FBN1: variants seen among roughly 807,000 people sequenced by gnomAD.
FBN1 encodes fibrillin 1, also known as fibrillin-1.
FBN1 carries 29 observed loss-of-function variants against 365.1 expected under a neutral mutation model. The ratio of observed to expected loss-of-function variants is 0.08; its 90% CI spans 0.06 to 0.11. FBN1 has a LOEUF of 0.11. Ranked by LOEUF, FBN1 falls within the 10% of genes least tolerant of loss-of-function variation. FBN1 has a pLI of 1.00. For missense variants in FBN1, 2,476 were observed against 3,703.2 expected, an observed-to-expected ratio of 0.67 and a Z score of 8.60; for synonymous variants, 1,210 against 1,270.5, an observed-to-expected ratio of 0.95 and a Z score of 1.01.
At chr15:48,573,221 A>G (rs1458762254) in intron 6 of FBN1, among the ~76,000 whole-genome samples, 2 of 152,194 alleles carry the variant, frequency 1.3e-5, no homozygotes, top group East Asian at 3.8e-4. Context: ...GTGTTTTTCC[A>G]TATATTTATA....
At chr15:48,454,377 A>C (rs572270358) in intron 44 of FBN1, among the ~76,000 whole-genome samples, 37 of 152,328 alleles carry the variant, frequency 2.4e-4, no homozygotes, top group African/African-American at 8.9e-4. Context: ...AACAGAAAAG[A>C]TTTTGGATAA....
chr15:48,472,652 A>G lies in FBN1; in HGVS notation c.4235T>C (p.Leu1412Pro), dbSNP rs1394943800. The change falls in exon 35 of 66, where the codon CTG becomes CCG. Residue 1412 changes from leucine to proline, a missense_variant. Leu to Pro is a moderately conservative substitution (Grantham distance 98, BLOSUM62 -3). This residue lies in a region of FBN1 where 1,780 missense variants were observed against 2,840.8 expected (regional missense o/e 0.63). Transcript: ENST00000316623. ...CTDLDECSEN[L>P]NLCGNGQCLN... Reference sequence around the variant, plus strand: ...GCACTGGCCATTGCCACAGAGATTCAGGTTCTCAGAGCACTCATCAAGGTC... The same window carrying G: ...GCACTGGCCATTGCCACAGAGATTCGGGTTCTCAGAGCACTCATCAAGGTC... The G allele has an allele frequency of 6.2e-7, 1 of 1,614,144 alleles. No homozygotes were observed. The highest frequency in any genetic ancestry group is 1.7e-5 in the Admixed American group (1 of 60,008).
At chr15:48,595,865 C>T (rs1480154208) in intron 6 of FBN1, among the ~76,000 whole-genome samples, 3 of 152,206 alleles carry the variant, frequency 2.0e-5, no homozygotes, top group Non-Finnish European at 2.9e-5. Flanking sequence ...ACAGGTCCAA[C>T]AGATCTTTAG....
rs1378470897 is a variant in FBN1, at chr15:48,434,706, A to G, written c.6504T>C (p.Asp2168=). The change falls in exon 54 of 66, where the codon GAT becomes GAC. Residue 2168 remains aspartate (D), a synonymous_variant. Transcript: ENST00000316623. ...CACAAGGATTGCCAACAGAACATTC[A>G]TCAGTATCTGCAAGAAACCAGGAAT... ...ILAGNECVDT[D]ECSVGNPCGN... The G allele has an allele frequency of 6.2e-7, 1 of 1,613,540 alleles. No individual in the cohort carries two copies. Among genetic ancestry groups the G allele is most frequent in the African/African-American group, 1.3e-5 (1 of 74,894 alleles).
intron 2 of FBN1, among the ~76,000 whole-genome samples, chr15:48,623,093 A>C (rs916774383): frequency 8.5e-5 from 13 of 152,244 alleles, no homozygotes; most frequent in Non-Finnish European, 1.9e-4. Flanking sequence ...CTTCAGGCAC[A>C]GAAACAATGT....
chr15:48,548,854 T>C (rs1402150537), intron 6 of FBN1, among the ~76,000 whole-genome samples: 1 of 152,236 alleles, frequency 6.6e-6, no homozygotes, highest in Non-Finnish European at 1.5e-5. Flanking sequence ...CTATGTTTTA[T>C]TCCCTTGGAT....
At chr15:48,575,826 C>CACACAG (rs2044342594) in intron 6 of FBN1, among the ~76,000 whole-genome samples, 1 of 151,678 alleles carries the variant, frequency 6.6e-6, no homozygotes, top group Non-Finnish European at 1.5e-5. Context: ...CACACACACA[C>CACACAG]ACACACACAC....
chr15:48,534,222 GAC>G lies in FBN1; in HGVS notation c.737-19_737-18del. 1 of 1,577,572 alleles carries G rather than the reference GAC, an allele frequency of 6.3e-7. No individual in the cohort carries two copies. Among genetic ancestry groups the G allele is most frequent in the Non-Finnish European group, 8.6e-7 (1 of 1,165,830 alleles). The stretch of plus-strand genomic sequence containing the variant: ...CATCCACATCTGTCAGATTACAGAA[GAC>G]AGAGAGAAAAAAAAAAAACTCATAT... On this transcript the variant is annotated intron_variant, in intron 7 of 65. Coordinates refer to ENST00000316623, the MANE Select transcript of FBN1 (RefSeq NM_000138.5).
chr15:48,625,353 C>A (rs1456664892), intron 2 of FBN1, among the ~76,000 whole-genome samples: 1 of 152,128 alleles, frequency 6.6e-6, no homozygotes, highest in African/African-American at 2.4e-5. Flanking sequence ...CCACGGCAGG[C>A]AACCAGAGGA....
intron 6 of FBN1, among the ~76,000 whole-genome samples, chr15:48,592,549 A>C (rs562303056): frequency 6.6e-6 from 1 of 152,270 alleles, no homozygotes; most frequent in East Asian, 1.9e-4. Flanking sequence ...TGTACCACTG[A>C]GCTAAGAAGT....
intron 4 of FBN1, among the ~76,000 whole-genome samples, chr15:48,608,277 C>T (rs765571949): frequency 3.3e-5 from 5 of 152,178 alleles, no homozygotes; most frequent in Non-Finnish European, 7.3e-5. Context: ...TCCTTGATCC[C>T]TATCATATAA....
chr15:48,626,276 A>C (rs115202761), intron 2 of FBN1, among the ~76,000 whole-genome samples: 1,550 of 152,148 alleles, frequency 0.01, 17 homozygotes, highest in African/African-American at 0.031. Flanking sequence ...AAAAAAATGA[A>C]AAGTATAATT....
intron 14 of FBN1, 96 bp from the exon 15 acceptor site, chr15:48,508,800 T>C: frequency 6.9e-7 from 1 of 1,457,784 alleles, no homozygotes; most frequent in Non-Finnish European, 9.4e-7. Flanking sequence ...TTCGTATTTC[T>C]TTCTTTTTGT....
chr15:48,562,253 G>A (rs1352844657), intron 6 of FBN1, among the ~76,000 whole-genome samples: 1 of 152,152 alleles, frequency 6.6e-6, no homozygotes, highest in African/African-American at 2.4e-5. Flanking sequence ...CTGTGATGCT[G>A]GGACATCTTC....
chr15:48,601,531 C>A (rs2044567561), intron 4 of FBN1, among the ~76,000 whole-genome samples: 1 of 152,164 alleles, frequency 6.6e-6, no homozygotes, highest in Admixed American at 6.5e-5. Flanking sequence ...TACACAAAAG[C>A]AGAAATCTGC....
chr15:48,621,534 G>A (rs1429789930), intron 2 of FBN1, among the ~76,000 whole-genome samples: 1 of 152,106 alleles, frequency 6.6e-6, no homozygotes, highest in African/African-American at 2.4e-5. Context: ...ATTAAAACAA[G>A]GAAAGTCTGA....
At chr15:48,444,455 G>A in intron 49 of FBN1, 86 bp downstream of exon 49, 1 of 1,496,472 alleles carries the variant, frequency 6.7e-7, no homozygotes, top group Non-Finnish European at 9.3e-7. Context: ...ATTCCAAAAT[G>A]AAGACGTCAT....
At position 48,533,781 on chromosome 15, in the gene FBN1, CAT is replaced by C. The variant is rs559232133; in HGVS notation, c.862+297_862+298del. On this transcript the variant is annotated intron_variant, in intron 8 of 65. Coordinates refer to ENST00000316623, the MANE Select transcript of FBN1 (RefSeq NM_000138.5). ...TCATGTCTCTAGAACTATGCAAAAACATGTGTGTTGAACATTTTAAACCAAAT... is the reference window on the plus strand; with the variant it reads ...TCATGTCTCTAGAACTATGCAAAAACGTGTGTTGAACATTTTAAACCAAAT... Among the ~76,000 whole-genome samples the C allele has an allele frequency of 3.2e-3, 491 of 152,230 alleles. 2 individuals carry two copies. Among genetic ancestry groups the C allele is most frequent in the African/African-American group, 0.011 (440 of 41,536 alleles).
At chr15:48,533,390 CCT>C (rs1431115387) in intron 8 of FBN1, among the ~76,000 whole-genome samples, 2 of 152,110 alleles carry the variant, frequency 1.3e-5, no homozygotes, top group East Asian at 1.9e-4. Flanking sequence ...TAGATGCTCC[CCT>C]CTCACGAAGA....
Sources: gnomAD v4.1 joint callset for allele counts (sites outside exome capture counted in the v4.1 genomes callset) on GRCh38, gnomAD v4.1.1 for gene constraint, gnomAD v4.1.1 regional missense constraint, MANE v1.5 for transcripts, NCBI Gene and HGNC (gene_info 2026-07-23, HGNC 2026-07-21) for gene names.